The following TTC39B variants were observed in gnomAD, a reference collection of about 807,000 sequenced individuals.
TTC39B encodes tetratricopeptide repeat protein 39B.
Under a neutral mutation model 96.6 loss-of-function variants are expected in TTC39B, and 92 were observed. The observed-to-expected ratio is 0.95, with a 90% CI of 0.80 to 1.13. The LOEUF is 1.13. Ranked by LOEUF, TTC39B falls within the 50% of genes most tolerant of loss-of-function variation. The probability of loss-of-function intolerance (pLI) is 0.00; values close to 1 mark genes in which losing one functional copy is unlikely to be tolerated. For missense variants in TTC39B, 955 were observed against 809.3 expected (o/e 1.18, Z -2.18); for synonymous variants, 367 against 299.4 (o/e 1.23, Z -2.33).
At chr9:15,244,091 T>G (rs1460110142) in intron 2 of TTC39B, among the ~76,000 whole-genome samples, 1 of 152,194 alleles carries the variant, frequency 6.6e-6, no homozygotes. Context: ...GGCAAGCAAA[T>G]CAGACTCCTT....
intron 2 of TTC39B, among the ~76,000 whole-genome samples, chr9:15,248,529 G>A (rs532150382): frequency 1.3e-5 from 2 of 152,180 alleles, no homozygotes; most frequent in South Asian, 4.1e-4. Flanking sequence ...GCTCCATGAG[G>A]GAAGATACAA....
At chr9:15,270,918 T>A (rs1361910378) in intron 1 of TTC39B, among the ~76,000 whole-genome samples, 1 of 152,092 alleles carries the variant, frequency 6.6e-6, no homozygotes, top group Non-Finnish European at 1.5e-5. Flanking sequence ...AGAACTAAGA[T>A]TTACTGAGTA....
chr9:15,190,775 T>G, intron 10 of TTC39B, 113 bp from the exon 11 acceptor site: 1 of 851,860 alleles, frequency 1.2e-6, no homozygotes. Flanking sequence ...TTTCATATAT[T>G]ACGCTGTGGT....
intron 1 of TTC39B, among the ~76,000 whole-genome samples, chr9:15,289,851 A>T (rs982421353): frequency 6.6e-6 from 1 of 152,206 alleles, no homozygotes; most frequent in African/African-American, 2.4e-5. Context: ...GTCATCATCC[A>T]TATGAACTAC....
intron 2 of TTC39B, among the ~76,000 whole-genome samples, chr9:15,243,945 G>A (rs931434173): frequency 6.6e-6 from 1 of 152,156 alleles, no homozygotes; most frequent in African/African-American, 2.4e-5. Context: ...GAAAATGGAA[G>A]GTAGTGCTTA....
At chr9:15,192,028 C>T (rs1300164609) in intron 9 of TTC39B, among the ~76,000 whole-genome samples, 1 of 152,200 alleles carries the variant, frequency 6.6e-6, no homozygotes, top group African/African-American at 2.4e-5. Flanking sequence ...ACCAGTCAGC[C>T]TCTTTCCCAT....
intron 2 of TTC39B, among the ~76,000 whole-genome samples, chr9:15,253,206 G>A (rs1035406449): frequency 1.3e-5 from 2 of 152,180 alleles, no homozygotes; most frequent in Non-Finnish European, 2.9e-5. Flanking sequence ...TAGATATTAG[G>A]GATCCTGAAC....
intron 5 of TTC39B, 102 bp from the exon 6 acceptor site, chr9:15,210,266 G>T: frequency 1.3e-6 from 1 of 746,428 alleles, no homozygotes; most frequent in South Asian, 1.7e-5. Context: ...ACACCAAAGA[G>T]TCAAAAAGCT....
chr9:15,191,319 C>A, intron 9 of TTC39B, 64 bp from the exon 10 acceptor site: 1 of 1,148,638 alleles, frequency 8.7e-7, no homozygotes, highest in Admixed American at 2.3e-5. Context: ...CAAATCTAAA[C>A]TAACAACTTA....
At chr9:15,200,776 G>A (rs1436187108) in intron 7 of TTC39B, among the ~76,000 whole-genome samples, 2 of 152,232 alleles carry the variant, frequency 1.3e-5, no homozygotes, top group Admixed American at 6.5e-5. Flanking sequence ...CGAGGCGGGT[G>A]GATCACCAGG....
chr9:15,278,128 T>C (rs1056003899), intron 1 of TTC39B, among the ~76,000 whole-genome samples: 1 of 152,228 alleles, frequency 6.6e-6, no homozygotes, highest in African/African-American at 2.4e-5. Context: ...GGGAAAAATG[T>C]TCCTTTTCTG....
chr9:15,306,985 G>A lies in TTC39B; in HGVS notation c.240+99C>T, dbSNP rs901122030. 2 of 1,522,678 alleles carry A rather than the reference G, an allele frequency of 1.3e-6. No homozygotes were observed. Among genetic ancestry groups the A allele is most frequent in the Non-Finnish European group, 8.8e-7 (1 of 1,131,366 alleles). 94.3% of individuals were successfully genotyped at this position (1,522,678 alleles called of 1,614,324 possible). A position where few individuals can be genotyped will look rare whatever the true frequency, so the allele number is the denominator to read the frequency against. On this transcript the variant is annotated intron_variant, in intron 1 of 19. Transcript: ENST00000512701. This position sits in a 1 kb window ranked among gnomAD's most constrained non-coding sequence, Gnocchi z 5.1. ...AGCCCACCCCAGAGAGGGGACCAAG[G>A]GGGCGGGGCCTCGGCCGTCCTAGCC...
At chr9:15,250,942 A>T (rs1367336708) in intron 2 of TTC39B, among the ~76,000 whole-genome samples, 3 of 152,220 alleles carry the variant, frequency 2.0e-5, no homozygotes, top group Non-Finnish European at 4.4e-5. Context: ...TCATGCCTGT[A>T]ATCCCAGCAC....
At chr9:15,244,396 C>T (rs1003236170) in intron 2 of TTC39B, among the ~76,000 whole-genome samples, 1 of 152,218 alleles carries the variant, frequency 6.6e-6, no homozygotes, top group African/African-American at 2.4e-5. Context: ...TGTGGCTTTG[C>T]GCCACTTCCT....
At chr9:15,211,890 T>C (rs1464872610) in intron 4 of TTC39B, among the ~76,000 whole-genome samples, 2 of 152,228 alleles carry the variant, frequency 1.3e-5, no homozygotes, top group Middle Eastern at 3.2e-3. Context: ...ACAAGAGCCA[T>C]GACCAAAGTA....
intron 3 of TTC39B, among the ~76,000 whole-genome samples, chr9:15,223,089 G>C (rs1820934732): frequency 2.0e-5 from 3 of 152,204 alleles, no homozygotes. Flanking sequence ...CTTAAAGTTT[G>C]TCACTGGTGC....
At chr9:15,292,159 C>T (rs1824209694) in intron 1 of TTC39B, among the ~76,000 whole-genome samples, 2 of 152,194 alleles carry the variant, frequency 1.3e-5, no homozygotes, top group South Asian at 4.1e-4. Flanking sequence ...TTGGATGCCA[C>T]AGCATGTATG....
chr9:15,303,352 T>C (rs114975928), intron 1 of TTC39B, among the ~76,000 whole-genome samples: 2,275 of 152,112 alleles, frequency 0.015, 57 homozygotes, highest in African/African-American at 0.051. Context: ...AGTAAAACTA[T>C]TGAAAAAATC....
intron 2 of TTC39B, among the ~76,000 whole-genome samples, chr9:15,259,985 C>T (rs186684112): frequency 1.6e-4 from 25 of 152,026 alleles, no homozygotes; most frequent in Admixed American, 6.5e-4. Context: ...CTTTTTCAGA[C>T]GATAAAAATG....
Sources: gnomAD v4.1 joint callset for allele counts (sites outside exome capture counted in the v4.1 genomes callset) on GRCh38, gnomAD v4.1.1 for gene constraint, Gnocchi (gnomAD v3.1) non-coding constraint, MANE v1.5 for transcripts, NCBI Gene and HGNC (gene_info 2026-07-23, HGNC 2026-07-21) for gene names.